The following TCTN2 variants were observed in gnomAD, a reference collection of about 807,000 sequenced individuals.
TCTN2 encodes the protein tectonic family member 2.
Under a neutral mutation model 83.4 loss-of-function variants are expected in TCTN2, and 66 were observed. The ratio of observed to expected loss-of-function variants is 0.79; its 90% CI spans 0.65 to 0.97. The LOEUF is 0.97. Among genes scored for constraint, TCTN2 ranks in the 50% least tolerant of loss-of-function variants. The pLI, the probability that TCTN2 is intolerant of heterozygous loss-of-function variation, is 0.00. For missense variants in TCTN2, 794 were observed against 858.1 expected, an observed-to-expected ratio of 0.93 and a Z score of 0.93; for synonymous variants, 301 against 326.7, an observed-to-expected ratio of 0.92 and a Z score of 0.85.
rs1185644267 is a variant in TCTN2, at chr12:123,707,025, G to A, written c.1936G>A (p.Glu646Lys). 5 of 1,613,964 alleles carry A rather than the reference G, an allele frequency of 3.1e-6. No homozygotes were observed. Among genetic ancestry groups the A allele is most frequent in the Admixed American group, 1.7e-5 (1 of 60,006 alleles). The change falls in exon 17 of 18, where the codon GAG becomes AAG. Residue 646 changes from glutamate (E) to lysine (K), a missense_variant. Coordinates refer to ENST00000303372, the MANE Select transcript of TCTN2 (RefSeq NM_024809.5). ...TACAGAGTATGACTGCAACAGAAAT[G>A]AGGTGTGTTGGCCGCAGCTTCTATA... ...NYTEYDCNRN[E>K]VCWPQLLYPW...
At chr12:123,692,862 ATTTC>A in intron 9 of TCTN2, 139 bp downstream of exon 9, 2 of 758,474 alleles carry the variant, frequency 2.6e-6, no homozygotes, top group Non-Finnish European at 4.6e-6. Context: ...TGCCAGGAAC[ATTTC>A]ATTTGTTCCT....
At chr12:123,681,635 A>G (rs1234053735) in intron 5 of TCTN2, among the ~76,000 whole-genome samples, 1 of 152,068 alleles carries the variant, frequency 6.6e-6, no homozygotes, top group Non-Finnish European at 1.5e-5. Flanking sequence ...TTTCTTATCT[A>G]TTTATTGGCT....
intron 14 of TCTN2, among the ~76,000 whole-genome samples, chr12:123,702,131 G>T (rs1209358616): frequency 6.6e-6 from 1 of 152,194 alleles, no homozygotes; most frequent in Non-Finnish European, 1.5e-5. Flanking sequence ...GGAGCCTTGA[G>T]TCTGTAAATA....
rs1285065773 is a variant in TCTN2, at chr12:123,708,104, C to T, written c.*391C>T. ...CTCACTGCAATCTCTGCCTCCCAAG[C>T]AATCCTCCCACCTCAGCCTCTGGTG... On this transcript the variant is annotated 3_prime_UTR_variant, in exon 18 of 18. Transcript: ENST00000303372. 2 of 248,166 alleles carry T rather than the reference C, an allele frequency of 8.1e-6. No individual in the cohort carries two copies. The highest frequency in any genetic ancestry group is 4.9e-5 in the South Asian group (1 of 20,320). The allele number at this position is 248,166 out of a possible 1,614,324, so 15.4% of individuals were successfully genotyped here.
chr12:123,696,591 A>C, intron 12 of TCTN2, 96 bp downstream of exon 12: 2 of 1,188,842 alleles, frequency 1.7e-6, no homozygotes, highest in Non-Finnish European at 1.3e-6. Flanking sequence ...ATTATTTTAA[A>C]GCCTAGTTGG....
chr12:123,696,727 T>C (rs1956113745), intron 12 of TCTN2: 2 of 567,538 alleles, frequency 3.5e-6, no homozygotes, highest in Non-Finnish European at 6.4e-6. Flanking sequence ...GTAGAAAAGA[T>C]TGAAATATGA....
At chr12:123,683,725 G>A (rs755443471) in intron 5 of TCTN2, among the ~76,000 whole-genome samples, 1 of 152,064 alleles carries the variant, frequency 6.6e-6, no homozygotes, top group Non-Finnish European at 1.5e-5. Flanking sequence ...TGCAACCTCC[G>A]TCTCCCAGGT....
At chr12:123,698,433 G>A (rs1956135723) in intron 13 of TCTN2, among the ~76,000 whole-genome samples, 1 of 151,348 alleles carries the variant, frequency 6.6e-6, no homozygotes, top group Non-Finnish European at 1.5e-5. Context: ...TTGATTGCAT[G>A]CGTTCTTTTT....
At position 123,676,566 on chromosome 12, in the gene TCTN2, TAAAAAA is replaced by T. The variant is rs60100973; in HGVS notation, c.464-2603_464-2598del. ...CTGGGTGACAGAGCGAGACTCCATC[TAAAAAA>T]AAAAAAAAAAAAAAAAAAAGGAAAA... On this transcript the variant is annotated intron_variant, in intron 4 of 17. Transcript: ENST00000303372. Among the ~76,000 whole-genome samples, 11 of 60,718 alleles carry T rather than the reference TAAAAAA, an allele frequency of 1.8e-4. No individual in the cohort carries two copies. In the South Asian group the frequency reaches 2.2e-3, roughly 12 times the overall value. 39.8% of individuals were successfully genotyped at this position (60,718 alleles called of 152,430 possible).
intron 12 of TCTN2, 21 bp downstream of exon 12, chr12:123,696,516 T>C (rs750861451): frequency 6.2e-7 from 1 of 1,602,832 alleles, no homozygotes; most frequent in South Asian, 1.1e-5. Flanking sequence ...TTGGTCATTA[T>C]GATTAGCCCT....
In TCTN2 at chr12:123,697,159, T is replaced by C; in HGVS notation, c.1466T>C (p.Leu489Pro). Residue 489 changes from leucine (L) to proline (P), a missense_variant, in exon 13 of 18, where the codon CTG (leucine) becomes CCG (proline). By Grantham distance (98) the Leu-to-Pro change is moderately conservative. Transcript: ENST00000303372. ...LFGENVLSGC[L>P]LEVGINENCT... is the part of the protein sequence containing the mutation. ...GGAGAAAATGTACTCTCTGGATGCC[T>C]GTTAGAAGTCGGGATTAATGAAAAT... 6.2e-7 allele frequency: 1 copy of C among 1,614,054 alleles called. No homozygotes were observed.
rs544288615 is a variant in TCTN2 at position 123,674,590 on chromosome 12, C to T, written c.463+780C>T. Among the ~76,000 whole-genome samples the T allele has an allele frequency of 2.0e-5, 3 of 152,238 alleles. No homozygotes were observed. The South Asian group carries it at 6.2e-4, about 32-fold the overall frequency. On this transcript the variant is annotated intron_variant, in intron 4 of 17. Transcript: ENST00000303372. ...GCACGTGCATTGATTGTCATGACTGCATCTTAAGAAGAAAAAAGGAAGGGT... is the reference window on the plus strand; with the variant it reads ...GCACGTGCATTGATTGTCATGACTGTATCTTAAGAAGAAAAAAGGAAGGGT...
At position 123,671,310 on chromosome 12, in the gene TCTN2, T is replaced by TGG; in HGVS notation, c.75_76dup (p.Asp26GlyfsTer28). On this transcript the variant is annotated frameshift_variant, in exon 1 of 18. Transcript: ENST00000303372. LOFTEE classifies it high-confidence loss of function. ...TCTGCAGGGCATCCTGAGGCTTCTG[T>TGG]GGGGGGACCTGGGTGTGTACGGCGC... 1 of 1,613,572 alleles carries TGG rather than the reference T, an allele frequency of 6.2e-7. No individual in the cohort carries two copies. The highest frequency in any genetic ancestry group is 1.1e-5 in the South Asian group (1 of 91,054).
rs1322947429 is a variant in TCTN2, at chr12:123,704,645, G to C, written c.1726G>C (p.Val576Leu). ...CATCCTCATCTCGGATGCTGGCGCG[G>C]TGGAAGGGATTACTCAGCAGGAGAT... is the stretch of plus-strand genomic sequence containing the variant. ...IRILISDAGA[V>L]EGITQQEILG... The change falls in exon 15 of 18, where the codon GTG (valine) becomes CTG (leucine). Residue 576 changes from valine (V) to leucine (L), a missense_variant. Coordinates refer to ENST00000303372, the MANE Select transcript of TCTN2 (RefSeq NM_024809.5). 3.1e-6 allele frequency: 5 copies of C among 1,613,088 alleles called. No homozygotes were observed. Among genetic ancestry groups the C allele is most frequent in the Middle Eastern group, 1.6e-4 (1 of 6,076 alleles).
intron 4 of TCTN2, among the ~76,000 whole-genome samples, chr12:123,674,339 C>T (rs1049174011): frequency 1.3e-5 from 2 of 151,864 alleles, no homozygotes; most frequent in Admixed American, 6.6e-5. Context: ...GTTGTGATCT[C>T]GGCTCACTGC....
Position 123,686,703 on chromosome 12 carries a change from TGAGA to T in TCTN2, c.565-132_565-129del, listed in dbSNP as rs1397625623. ...TTTGTGGGCACAAGGCACTTTTAGA[TGAGA>T]CACAGATTATAGGTTTTCTTGCTTA... On this transcript the variant is annotated intron_variant, in intron 5 of 17. Transcript: ENST00000303372. 247 of 861,310 alleles carry T rather than the reference TGAGA, an allele frequency of 2.9e-4. 1 individual carries two copies. The highest frequency in any genetic ancestry group is 3.8e-5 in the Non-Finnish European group (20 of 524,062). The allele number at this position is 861,310 out of a possible 1,614,324, so 53.4% of individuals were successfully genotyped here.
chr12:123,676,808 G>A (rs887198985), intron 4 of TCTN2, among the ~76,000 whole-genome samples: 24 of 152,028 alleles, frequency 1.6e-4, no homozygotes, highest in Non-Finnish European at 2.8e-4. Context: ...TGAAGCCAGC[G>A]AACAATGTAG....
chr12:123,684,867 T>C (rs376525183), intron 5 of TCTN2, among the ~76,000 whole-genome samples: 1 of 151,572 alleles, frequency 6.6e-6, no homozygotes, highest in Non-Finnish European at 1.5e-5. Flanking sequence ...CTGGCCAACA[T>C]GGTGAAACCC....
intron 9 of TCTN2, among the ~76,000 whole-genome samples, chr12:123,693,018 CTTTTT>C (rs539689505): frequency 1.9e-5 from 1 of 53,790 alleles, no homozygotes; most frequent in East Asian, 5.1e-4. Flanking sequence ...TTAAATAATT[CTTTTT>C]TTTTTTTTTT....
Sources: gnomAD v4.1 joint callset for allele counts (sites outside exome capture counted in the v4.1 genomes callset) on GRCh38, gnomAD v4.1.1 for gene constraint, MANE v1.5 for transcripts, NCBI Gene and HGNC (gene_info 2026-07-23, HGNC 2026-07-21) for gene names.